The following ANKFY1 variants were observed in gnomAD, a reference collection of about 807,000 sequenced individuals.
ANKFY1 encodes the protein ankyrin repeat and FYVE domain containing 1, also known as ankyrin repeat and FYVE domain-containing protein 1.
A neutral mutation model predicts 128.3 loss-of-function variants in ANKFY1; 47 were observed. That is an observed-to-expected ratio of 0.37 (90% CI 0.29 to 0.47). ANKFY1 has a LOEUF of 0.47. ANKFY1 is among the 20% of genes least tolerant of loss of function. The pLI is 1.00. For synonymous variants in ANKFY1, 553 were observed against 601.6 expected (o/e 0.92, Z 1.18); for missense variants, 1,222 against 1,510.6 (o/e 0.81, Z 3.17).
rs763832616 is a variant in ANKFY1 at position 4,209,956 on chromosome 17, G to C, written c.459-9C>G. 1.1e-4 allele frequency: 183 copies of C among 1,605,984 alleles called. No homozygotes were observed. Among genetic ancestry groups the C allele is most frequent in the South Asian group, 2.4e-4 (22 of 90,754 alleles). On this transcript the variant is annotated splice_polypyrimidine_tract_variant and intron_variant, in intron 4 of 24. Transcript: ENST00000341657. ...TAACACCCTTCTCACATCTGTAAGA[G>C]AGTATTCATCATGAGGAGTATTACT...
chr17:4,243,001 A>C (rs1426117924), intron 1 of ANKFY1, among the ~76,000 whole-genome samples: 2 of 152,218 alleles, frequency 1.3e-5, no homozygotes, highest in Admixed American at 6.5e-5. Flanking sequence ...CCTAATTTTC[A>C]CATGTTCTTC....
chr17:4,181,817 C>T lies in ANKFY1; in HGVS notation c.2121+364G>A, dbSNP rs1370857492. 6.6e-6 allele frequency among the ~76,000 whole-genome samples: 1 copy of T among 152,206 alleles called. No homozygotes were observed. The highest frequency in any genetic ancestry group is 3.2e-3 in the Middle Eastern group (1 of 316). ...AGCTGAATGAGAATGTGCAGGTTTG[C>T]CTCCACTTTTGGGGCCTGTCTTGCA... On this transcript the variant is annotated intron_variant, in intron 15 of 24. Transcript: ENST00000341657. The surrounding 1 kb of genome is among the most constrained non-coding windows in gnomAD (Gnocchi z 4.9).
chr17:4,204,333 C>G (rs2059985567), intron 7 of ANKFY1, among the ~76,000 whole-genome samples: 1 of 152,136 alleles, frequency 6.6e-6, no homozygotes, highest in Non-Finnish European at 1.5e-5. Context: ...AAAAGTAATT[C>G]CCACTTTATG....
intron 3 of ANKFY1, chr17:4,222,779 T>G: frequency 1.0e-6 from 1 of 1,004,570 alleles, no homozygotes; most frequent in South Asian, 1.3e-5. Context: ...TGCACCTTCA[T>G]AGTATGAAAA....
chr17:4,186,873 C>T, intron 11 of ANKFY1: 1 of 1,033,214 alleles, frequency 9.7e-7, no homozygotes, highest in Non-Finnish European at 1.2e-6. Context: ...AATTTTCCCA[C>T]TGCCTGTTAG....
In ANKFY1 at chr17:4,165,428, G is replaced by A. The variant is rs1377739778; in HGVS notation, c.*2351C>T. On this transcript the variant is annotated 3_prime_UTR_variant, in exon 25 of 25. Transcript: ENST00000341657. ...CTAGGCAGGTTTGTACGCAAGTGTT[G>A]ACAGCAGGGAGAGCACGGGAAGGGC... 6.6e-6 allele frequency: 1 copy of A among 152,218 alleles called. No homozygotes were observed. The highest frequency in any genetic ancestry group is 1.5e-5 in the Non-Finnish European group (1 of 68,038). The allele number at this position is 152,218 out of a possible 1,614,324, so 9.4% of individuals were successfully genotyped here.
At chr17:4,212,290 AGAGCAAG>A (rs2060147205) in intron 4 of ANKFY1, among the ~76,000 whole-genome samples, 1 of 152,268 alleles carries the variant, frequency 6.6e-6, no homozygotes. Flanking sequence ...TGTGGTGGAC[AGAGCAAG>A]ATAAACAATG....
At chr17:4,199,310 T>C (rs1374836925) in intron 7 of ANKFY1, among the ~76,000 whole-genome samples, 1 of 152,236 alleles carries the variant, frequency 6.6e-6, no homozygotes, top group Non-Finnish European at 1.5e-5. Flanking sequence ...TAACTCAGTC[T>C]CCTGAATAGC....
Position 4,164,546 on chromosome 17 carries a change from T to TA in ANKFY1, c.*3232dup, listed in dbSNP as rs1233509336. 2.6e-5 allele frequency: 4 copies of TA among 152,268 alleles called. No individual in the cohort carries two copies. The highest frequency in any genetic ancestry group is 5.9e-5 in the Non-Finnish European group (4 of 68,054). 9.4% of individuals were successfully genotyped at this position (152,268 alleles called of 1,614,324 possible). A position where few individuals can be genotyped will look rare whatever the true frequency, so the allele number is the denominator to read the frequency against. The stretch of plus-strand genomic sequence containing the variant: ...AAGCAAGTGTCTGTCATGGAAACAT[T>TA]ACCCTTCCTTGTTCCTGCTACTGTC... On this transcript the variant is annotated 3_prime_UTR_variant, in exon 25 of 25. Coordinates refer to ENST00000341657, the MANE Select transcript of ANKFY1 (RefSeq NM_001330063.2).
Position 4,164,229 on chromosome 17 carries a change from C to G in ANKFY1, c.*3550G>C, listed in dbSNP as rs1166951711. On this transcript the variant is annotated 3_prime_UTR_variant, in exon 25 of 25. Coordinates refer to ENST00000341657, the MANE Select transcript of ANKFY1 (RefSeq NM_001330063.2). Reference sequence around the variant, plus strand: ...GCAGTCTCGACTCAAGACTCCCTAGCTGCAGAAAACCAATGTTGTCAGTTG... The same window carrying G: ...GCAGTCTCGACTCAAGACTCCCTAGGTGCAGAAAACCAATGTTGTCAGTTG... 1 of 152,666 alleles carries G rather than the reference C, an allele frequency of 6.6e-6. No individual in the cohort carries two copies. The highest frequency in any genetic ancestry group is 1.5e-5 in the Non-Finnish European group (1 of 68,052). 9.5% of individuals were successfully genotyped at this position (152,666 alleles called of 1,614,324 possible).
At chr17:4,238,152 T>TAAAAAAAAAAAAAA in intron 2 of ANKFY1, among the ~76,000 whole-genome samples, 1 of 92,670 alleles carries the variant, frequency 1.1e-5, no homozygotes, top group Non-Finnish European at 2.1e-5. Flanking sequence ...CTTATTTATT[T>TAAAAAAAAAAAAAA]AAAAAAAAAA....
At chr17:4,196,378 CT>C (rs34081745) in intron 8 of ANKFY1, among the ~76,000 whole-genome samples, 47,676 of 151,432 alleles carry the variant, frequency 0.31, 8,165 homozygotes, top group Admixed American at 0.39. Context: ...TACAAAAAAT[CT>C]TTTTTTTGAG....
At chr17:4,231,997 G>A (rs1159838857) in intron 3 of ANKFY1, among the ~76,000 whole-genome samples, 1 of 151,496 alleles carries the variant, frequency 6.6e-6, no homozygotes, top group East Asian at 1.9e-4. Flanking sequence ...AAAGAAAAAT[G>A]TGGAGTTTTT....
chr17:4,228,253 G>A (rs1293327224), intron 3 of ANKFY1, among the ~76,000 whole-genome samples: 1 of 152,102 alleles, frequency 6.6e-6, no homozygotes, highest in Non-Finnish European at 1.5e-5. Context: ...CAGACAAAAG[G>A]GACTCTATGC....
Position 4,172,771 on chromosome 17 carries a change from A to G in ANKFY1, c.3015-91T>C. 2.0e-6 allele frequency: 3 copies of G among 1,499,192 alleles called. No individual in the cohort carries two copies. The South Asian group carries it at 3.7e-5, about 19-fold the overall frequency. 92.9% of individuals were successfully genotyped at this position (1,499,192 alleles called of 1,614,324 possible). The stretch of plus-strand genomic sequence containing the variant: ...AATTTTCTGAACTCTGTGATGGTGG[A>G]TAAATCTAAAAGACACAAAACAAGT... On this transcript the variant is annotated intron_variant, in intron 21 of 24. Transcript: ENST00000341657.
intron 1 of ANKFY1, among the ~76,000 whole-genome samples, chr17:4,249,524 A>G (rs1967723894): frequency 6.6e-6 from 1 of 152,236 alleles, no homozygotes; most frequent in South Asian, 2.1e-4. Context: ...GAGAGGCCAT[A>G]CAAGCCCTGT....
chr17:4,250,520 CAG>C (rs967017291), intron 1 of ANKFY1, among the ~76,000 whole-genome samples: 2 of 152,100 alleles, frequency 1.3e-5, no homozygotes, highest in East Asian at 1.9e-4. Context: ...CCTAAATAAA[CAG>C]AGAGTTATAT....
chr17:4,176,411 G>GAC (rs1360898527), intron 19 of ANKFY1, among the ~76,000 whole-genome samples: 1 of 152,152 alleles, frequency 6.6e-6, no homozygotes, highest in Non-Finnish European at 1.5e-5. Context: ...TCTCAGCTCT[G>GAC]GACCTTGTTC....
intron 13 of ANKFY1, 86 bp downstream of exon 13, chr17:4,183,726 T>G (rs1353287768): frequency 2.0e-6 from 3 of 1,465,470 alleles, no homozygotes; most frequent in Non-Finnish European, 2.8e-6. Context: ...CAGTCTCCTC[T>G]TTCTTTCTCG....
Sources: allele counts gnomAD v4.1 joint callset (sites outside exome capture counted in the v4.1 genomes callset), GRCh38; gene constraint gnomAD v4.1.1; non-coding constraint Gnocchi (gnomAD v3.1); transcripts MANE v1.5; gene names NCBI Gene and HGNC (gene_info 2026-07-23, HGNC 2026-07-21).